PNPO: variants seen among roughly 807,000 people sequenced by gnomAD.
The protein encoded by PNPO is pyridoxine-5'-phosphate oxidase.
Under a neutral mutation model 35.0 loss-of-function variants are expected in PNPO, and 39 were observed. That is an observed-to-expected ratio of 1.11 (90% CI 0.86 to 1.45). The LOEUF is 1.45. Among genes scored for constraint, PNPO ranks in the 40% most tolerant of loss-of-function variants. PNPO has a pLI of 0.00. For synonymous variants in PNPO, 115 were observed against 119.8 expected (o/e 0.96, Z 0.26); for missense variants, 288 against 340.0 (o/e 0.85, Z 1.20).
Position 47,945,107 on chromosome 17 carries a change from C to A in PNPO, c.363+392C>A. The A allele has an allele frequency of 2.6e-6, 1 of 384,062 alleles. No homozygotes were observed. 23.8% of individuals were successfully genotyped at this position (384,062 alleles called of 1,614,324 possible). On this transcript the variant is annotated intron_variant, in intron 3 of 6. Coordinates refer to ENST00000642017, the MANE Select transcript of PNPO (RefSeq NM_018129.4). The surrounding 1 kb of genome is among the most constrained non-coding windows in gnomAD (Gnocchi z 4.0). Reference sequence around the variant, plus strand: ...ATTATGTAACTGATATTTGTCTCCTCTGCTCAACAGTAAGCTCTGTAGGAG... The same window carrying A: ...ATTATGTAACTGATATTTGTCTCCTATGCTCAACAGTAAGCTCTGTAGGAG...
intron 2 of PNPO, 128 bp from the exon 3 acceptor site, chr17:47,944,488 G>T: frequency 1.3e-6 from 1 of 793,056 alleles, no homozygotes. Flanking sequence ...CACATGGGAC[G>T]GGGTAGCCTG....
At chr17:47,943,705 A>G (rs1285604303) in intron 2 of PNPO, among the ~76,000 whole-genome samples, 1 of 152,064 alleles carries the variant, frequency 6.6e-6, no homozygotes, top group Admixed American at 6.5e-5. Context: ...TCATCTCCCC[A>G]TCTACCCAAG....
In PNPO at chr17:47,944,948, C is replaced by T. The variant is rs943333224; in HGVS notation, c.363+233C>T. The T allele has an allele frequency of 2.6e-5, 15 of 582,152 alleles. No individual in the cohort carries two copies. In the African/African-American group the frequency reaches 2.6e-4, roughly 10 times the overall value. The allele number at this position is 582,152 out of a possible 1,614,324, so 36.1% of individuals were successfully genotyped here. ...ACCTGTTCCTTCAGATCTCAGCCCACATGTTACCTCCTCAGGAAGGCCTTC... is the reference window on the plus strand; with the variant it reads ...ACCTGTTCCTTCAGATCTCAGCCCATATGTTACCTCCTCAGGAAGGCCTTC... On this transcript the variant is annotated intron_variant, in intron 3 of 6. Transcript: ENST00000642017.
At chr17:47,946,458 T>G (rs879744968) in intron 6 of PNPO, 65 bp downstream of exon 6, 108 of 1,419,760 alleles carry the variant, frequency 7.6e-5, no homozygotes, top group Non-Finnish European at 9.3e-5. Context: ...TGAAGCCACC[T>G]GCCTGGGGAA....
chr17:47,944,118 T>G (rs2035978094), intron 2 of PNPO, among the ~76,000 whole-genome samples: 2 of 152,256 alleles, frequency 1.3e-5, no homozygotes, highest in East Asian at 3.9e-4. Context: ...AAGATCAAGG[T>G]GCCATCAGGG....
chr17:47,945,728 C>T lies in PNPO; in HGVS notation c.417+116C>T, dbSNP rs1318635563. Reference sequence around the variant, plus strand: ...CAAACATCCCAGCTGGGCACTCTGCCTCTAAAATAGCCCTCAGTTAGTTGG... The same window carrying T: ...CAAACATCCCAGCTGGGCACTCTGCTTCTAAAATAGCCCTCAGTTAGTTGG... On this transcript the variant is annotated intron_variant, in intron 4 of 6. Transcript: ENST00000642017. The surrounding 1 kb of genome is among the most constrained non-coding windows in gnomAD (Gnocchi z 4.0). 1.4e-6 allele frequency: 2 copies of T among 1,454,844 alleles called. No homozygotes were observed. Among genetic ancestry groups the T allele is most frequent in the Non-Finnish European group, 1.9e-6 (2 of 1,039,084 alleles). The allele number at this position is 1,454,844 out of a possible 1,614,324, so 90.1% of individuals were successfully genotyped here.
chr17:47,945,984 C>A lies in PNPO; in HGVS notation c.541C>A (p.Arg181=). 6.2e-7 allele frequency: 1 copy of A among 1,613,816 alleles called. No homozygotes were observed. Among genetic ancestry groups the A allele is most frequent in the Non-Finnish European group, 8.5e-7 (1 of 1,180,022 alleles). The change falls in exon 5 of 7, where the codon CGG becomes AGG. Residue 181 remains arginine, a synonymous_variant. Coordinates refer to ENST00000642017, the MANE Select transcript of PNPO (RefSeq NM_018129.4). The surrounding 1 kb of genome is among the most constrained non-coding windows in gnomAD (Gnocchi z 4.0). ...VSHQSSVIPD[R]EYLRKKNEEL... Reference sequence around the variant, plus strand: ...CCACCAGAGTTCTGTGATCCCTGATCGGGAGGTGAGTGGAGCTCCGCTGTA... The same window carrying A: ...CCACCAGAGTTCTGTGATCCCTGATAGGGAGGTGAGTGGAGCTCCGCTGTA...
rs1024693306 is a variant in PNPO at position 47,949,048 on chromosome 17, T to G, written c.*2266T>G. The stretch of plus-strand genomic sequence containing the variant: ...TAAGCCTGCGTGCAGGAAGGCACAT[T>G]AACCCTGTGGCCCCCTGCAGGCAGG... On this transcript the variant is annotated 3_prime_UTR_variant, in exon 7 of 7. Transcript: ENST00000642017. 1 of 152,310 alleles carries G rather than the reference T, an allele frequency of 6.6e-6. No homozygotes were observed. Among genetic ancestry groups the G allele is most frequent in the Non-Finnish European group, 1.5e-5 (1 of 68,102 alleles). The allele number at this position is 152,310 out of a possible 1,614,324, so 9.4% of individuals were successfully genotyped here. A position where few individuals can be genotyped will look rare whatever the true frequency, so the allele number is the denominator to read the frequency against.
intron 1 of PNPO, 88 bp downstream of exon 1, chr17:47,941,901 C>A (rs987329818): frequency 2.8e-6 from 4 of 1,423,106 alleles, no homozygotes; most frequent in South Asian, 2.8e-5. Context: ...GTAGTAGGAG[C>A]CCCTCGGGGC....
rs1469217093 is a variant in PNPO, at chr17:47,945,168, C to G, written c.364-391C>G. 2.6e-6 allele frequency: 1 copy of G among 380,708 alleles called. No individual in the cohort carries two copies. Among genetic ancestry groups the G allele is most frequent in the African/African-American group, 2.1e-5 (1 of 47,990 alleles). The allele number at this position is 380,708 out of a possible 1,614,324, so 23.6% of individuals were successfully genotyped here. A position where few individuals can be genotyped will look rare whatever the true frequency, so the allele number is the denominator to read the frequency against. On this transcript the variant is annotated intron_variant, in intron 3 of 6. Transcript: ENST00000642017. This position sits in a 1 kb window ranked among gnomAD's most constrained non-coding sequence, Gnocchi z 4.0. ...TCTGTTTTATCTCTGCTGTATCCCC[C>G]GCACGTCTCCTGTTGTCAGACCCAG...
intron 5 of PNPO, 104 bp from the exon 6 acceptor site, chr17:47,946,219 G>T: frequency 3.8e-6 from 4 of 1,064,864 alleles, no homozygotes; most frequent in Non-Finnish European, 4.4e-6. Context: ...ACAGAGGCCA[G>T]TCTGCTCTGC....
rs373528454 is a variant in PNPO at position 47,945,877 on chromosome 17, C to T, written c.434C>T (p.Pro145Leu). ...PLNRQVRVEG[P>L]VKKLPEEEAE... is the part of the protein sequence containing the mutation. ...CCTGAGCAGGTGCGTGTGGAAGGCC[C>T]TGTGAAGAAACTGCCTGAGGAGGAG... Residue 145 changes from proline to leucine, a missense_variant, in exon 5 of 7, where the codon CCT becomes CTT. Transcript: ENST00000642017. This position sits in a 1 kb window ranked among gnomAD's most constrained non-coding sequence, Gnocchi z 4.0. 1.9e-6 allele frequency: 3 copies of T among 1,613,692 alleles called. No individual in the cohort carries two copies.
intron 5 of PNPO, 122 bp from the exon 6 acceptor site, chr17:47,946,201 C>A: frequency 9.9e-7 from 1 of 1,012,366 alleles, no homozygotes; most frequent in Non-Finnish European, 1.6e-6. Flanking sequence ...GTTGACTGCT[C>A]CTGGAGGACA....
intron 3 of PNPO, 23 bp downstream of exon 3, chr17:47,944,738 C>T: frequency 6.3e-7 from 1 of 1,579,876 alleles, no homozygotes; most frequent in Non-Finnish European, 8.7e-7. Context: ...AGCTAGTAAT[C>T]TTTCCCAGGG....
chr17:47,948,900 A>C lies in PNPO; in HGVS notation c.*2118A>C, dbSNP rs557590556. 154 of 152,402 alleles carry C rather than the reference A, an allele frequency of 1.0e-3. 3 individuals carry two copies. The highest frequency in any genetic ancestry group is 1.3e-4 in the Non-Finnish European group (9 of 68,062). The allele number at this position is 152,402 out of a possible 1,614,324, so 9.4% of individuals were successfully genotyped here. A position where few individuals can be genotyped will look rare whatever the true frequency, so the allele number is the denominator to read the frequency against. On this transcript the variant is annotated 3_prime_UTR_variant, in exon 7 of 7. Transcript: ENST00000642017. ...GATCAAAGAACTGCCTGTTGCTTGC[A>C]CTGGCTGGCACTGAGCTTGCCACTC...
At position 47,945,811 on chromosome 17, in the gene PNPO, G is replaced by C. The variant is rs927430100; in HGVS notation, c.418-50G>C. ...AGAGGAACGGGGCCTGTGCTGGTAG[G>C]GAGGGCAGGTGGCATTTAATGCCAT... On this transcript the variant is annotated intron_variant, in intron 4 of 6. Coordinates refer to ENST00000642017, the MANE Select transcript of PNPO (RefSeq NM_018129.4). The surrounding 1 kb of genome is among the most constrained non-coding windows in gnomAD (Gnocchi z 4.0). 7 of 1,603,296 alleles carry C rather than the reference G, an allele frequency of 4.4e-6. No homozygotes were observed. The highest frequency in any genetic ancestry group is 6.0e-6 in the Non-Finnish European group (7 of 1,175,222).
In PNPO at chr17:47,945,990, G is replaced by T; in HGVS notation, c.546+1G>T. 6.2e-7 allele frequency: 1 copy of T among 1,613,824 alleles called. No homozygotes were observed. ...GAGTTCTGTGATCCCTGATCGGGAG[G>T]TGAGTGGAGCTCCGCTGTAGTCCTC... is the stretch of plus-strand genomic sequence containing the variant. On this transcript the variant is annotated splice_donor_variant, in intron 5 of 6. Coordinates refer to ENST00000642017, the MANE Select transcript of PNPO (RefSeq NM_018129.4). LOFTEE classifies it high-confidence loss of function. This position sits in a 1 kb window ranked among gnomAD's most constrained non-coding sequence, Gnocchi z 4.0.
chr17:47,945,494 C>G lies in PNPO; in HGVS notation c.364-65C>G, dbSNP rs1056844762. 4 of 1,300,564 alleles carry G rather than the reference C, an allele frequency of 3.1e-6. No individual in the cohort carries two copies. In the Admixed American group the frequency reaches 6.7e-5, roughly 22 times the overall value. 80.6% of individuals were successfully genotyped at this position (1,300,564 alleles called of 1,614,324 possible). On this transcript the variant is annotated intron_variant, in intron 3 of 6. Transcript: ENST00000642017. This position sits in a 1 kb window ranked among gnomAD's most constrained non-coding sequence, Gnocchi z 4.0. ...CGCACTACAGCTCTCCTGCCTTTTC[C>G]CTGCATGCCGGAGGCCTCCTCTCCC... is the stretch of plus-strand genomic sequence containing the variant.
chr17:47,946,347 C>T lies in PNPO; in HGVS notation c.571C>T (p.Leu191=). The change falls in exon 6 of 7, where the codon CTG becomes TTG. Residue 191 remains leucine, a synonymous_variant. Coordinates refer to ENST00000642017, the MANE Select transcript of PNPO (RefSeq NM_018129.4). ...GTATCTGAGAAAGAAAAATGAGGAA[C>T]TGGAACAGCTCTACCAGGATCAAGA... The part of the protein sequence containing the change: ...REYLRKKNEE[L]EQLYQDQEVP... The T allele has an allele frequency of 6.2e-7, 1 of 1,613,464 alleles. No homozygotes were observed. The highest frequency in any genetic ancestry group is 8.5e-7 in the Non-Finnish European group (1 of 1,179,374).
Sources: allele counts gnomAD v4.1 joint callset (sites outside exome capture counted in the v4.1 genomes callset), GRCh38; gene constraint gnomAD v4.1.1; non-coding constraint Gnocchi (gnomAD v3.1); transcripts MANE v1.5; gene names NCBI Gene and HGNC (gene_info 2026-07-23, HGNC 2026-07-21).